The following SGCZ variants were observed in gnomAD, a reference collection of about 807,000 sequenced individuals.
SGCZ encodes zeta-sarcoglycan.
In SGCZ, 40 loss-of-function variants were observed where a neutral mutation model predicts 41.3. The ratio of observed to expected loss-of-function variants is 0.97; its 90% CI spans 0.75 to 1.26. SGCZ has a LOEUF of 1.26. Ranked by LOEUF, SGCZ falls within the 50% of genes most tolerant of loss-of-function variation. The pLI is 0.00. For synonymous variants in SGCZ, 206 were observed against 137.5 expected (o/e 1.50, Z -3.49); for missense variants, 552 against 369.8 (o/e 1.49, Z -4.04).
At chr8:14,166,260 G>A (rs748508699) in intron 4 of SGCZ, among the ~76,000 whole-genome samples, 1 of 152,082 alleles carries the variant, frequency 6.6e-6, no homozygotes, top group Non-Finnish European at 1.5e-5. Context: ...ATAATTTAAT[G>A]AAAATATGGA....
chr8:14,787,180 TC>T (rs1800795543), intron 1 of SGCZ, among the ~76,000 whole-genome samples: 1 of 151,980 alleles, frequency 6.6e-6, no homozygotes, highest in African/African-American at 2.4e-5. Context: ...AGACTTAAAA[TC>T]CCCATCTGCA....
chr8:14,467,282 T>C (rs1199901094), intron 2 of SGCZ, among the ~76,000 whole-genome samples: 2 of 151,972 alleles, frequency 1.3e-5, no homozygotes, highest in Non-Finnish European at 2.9e-5. Flanking sequence ...AAATAAGTGG[T>C]GGGGCACTGG....
chr8:14,217,244 C>T lies in SGCZ; in HGVS notation c.424+20348G>A, dbSNP rs986362565. On this transcript the variant is annotated intron_variant, in intron 4 of 7. Transcript: ENST00000382080. The stretch of plus-strand genomic sequence containing the variant: ...CTGGGAGGCAGAGGTTGCAGTGAGC[C>T]GAGATTGCACCACTGCACTCCAGCC... Among the ~76,000 whole-genome samples, 4 of 135,336 alleles carry T rather than the reference C, an allele frequency of 3.0e-5. No homozygotes were observed. The East Asian group carries it at 7.3e-4, about 25-fold the overall frequency. 88.8% of individuals were successfully genotyped at this position (135,336 alleles called of 152,430 possible).
At chr8:14,844,122 A>G (rs1803019134) in intron 1 of SGCZ, among the ~76,000 whole-genome samples, 1 of 152,040 alleles carries the variant, frequency 6.6e-6, no homozygotes, top group Admixed American at 6.6e-5. Context: ...TGTATACTGT[A>G]CCAAAATTCA....
intron 3 of SGCZ, among the ~76,000 whole-genome samples, chr8:14,257,312 A>T (rs1429609921): frequency 6.6e-6 from 1 of 150,688 alleles, no homozygotes; most frequent in Non-Finnish European, 1.5e-5. Flanking sequence ...CACTCCACTC[A>T]CTCCAGCCTG....
chr8:14,511,467 A>C (rs11989301), intron 2 of SGCZ, among the ~76,000 whole-genome samples: 2 of 151,916 alleles, frequency 1.3e-5, no homozygotes, highest in African/African-American at 4.8e-5. Context: ...GAACAAGCAT[A>C]AGTGGACCAG....
rs71541667 is a variant in SGCZ at position 14,409,475 on chromosome 8, G to GA, written c.235-85272dup. 4.1e-4 allele frequency among the ~76,000 whole-genome samples: 62 copies of GA among 150,630 alleles called. 1 individual carries two copies. Among genetic ancestry groups the GA allele is most frequent in the Middle Eastern group, 3.4e-3 (1 of 292 alleles). On this transcript the variant is annotated intron_variant, in intron 2 of 7. Coordinates refer to ENST00000382080, the MANE Select transcript of SGCZ (RefSeq NM_139167.4). The stretch of plus-strand genomic sequence containing the variant: ...GTTTGGTAATGCTGGCTCAGAATTT[G>GA]AAAAAAAAATCAGAATATTCACTTT...
intron 1 of SGCZ, among the ~76,000 whole-genome samples, chr8:15,026,976 C>T (rs1185754470): frequency 1.3e-5 from 2 of 152,098 alleles, no homozygotes; most frequent in Non-Finnish European, 2.9e-5. Flanking sequence ...AAAATACTTC[C>T]AACAGACAAT....
rs1185417235 is a variant in SGCZ at position 14,876,083 on chromosome 8, A to T, written c.40-321157T>A. The stretch of plus-strand genomic sequence containing the variant: ...TCCCATCCCCCTGTCTCCCCAGCTC[A>T]GTGGTGTGGTAGCCAAAAGCTTGCA... On this transcript the variant is annotated intron_variant, in intron 1 of 7. Transcript: ENST00000382080. Among the ~76,000 whole-genome samples, 25 of 152,278 alleles carry T rather than the reference A, an allele frequency of 1.6e-4. No homozygotes were observed. In the South Asian group the frequency reaches 4.6e-3, roughly 28 times the overall value.
At chr8:14,263,497 C>A (rs751969682) in intron 3 of SGCZ, among the ~76,000 whole-genome samples, 11 of 152,014 alleles carry the variant, frequency 7.2e-5, no homozygotes, top group Admixed American at 1.3e-4. Context: ...TGCAGTGAGC[C>A]ACGATGATGC....
rs1469734893 is a variant in SGCZ at position 14,941,059 on chromosome 8, T to C, written c.39+296526A>G. 4.6e-5 allele frequency among the ~76,000 whole-genome samples: 7 copies of C among 152,040 alleles called. No individual in the cohort carries two copies. The East Asian group carries it at 1.3e-3, about 29-fold the overall frequency. ...AAATACTAAATAGACAGGCAACAAA[T>C]ACCATTTTTACCTAGCATTAGGCAA... On this transcript the variant is annotated intron_variant, in intron 1 of 7. Transcript: ENST00000382080.
intron 2 of SGCZ, among the ~76,000 whole-genome samples, chr8:14,413,891 A>G (rs992667586): frequency 7.9e-5 from 12 of 151,946 alleles, no homozygotes; most frequent in African/African-American, 2.9e-4. Context: ...GTCATCTAGA[A>G]CTCTGTAAGT....
chr8:15,069,122 A>G (rs1486758743), intron 1 of SGCZ, among the ~76,000 whole-genome samples: 3 of 152,180 alleles, frequency 2.0e-5, no homozygotes, highest in Non-Finnish European at 4.4e-5. Flanking sequence ...TATTCTTTTT[A>G]CCTAAATTCA....
intron 3 of SGCZ, among the ~76,000 whole-genome samples, chr8:14,265,206 G>A (rs1265082656): frequency 1.3e-5 from 2 of 152,130 alleles, no homozygotes. Context: ...CATTTGTCCT[G>A]AGAATACCAG....
chr8:15,142,352 T>C (rs533895567), intron 1 of SGCZ, among the ~76,000 whole-genome samples: 12 of 152,322 alleles, frequency 7.9e-5, no homozygotes, highest in African/African-American at 2.9e-4. Flanking sequence ...TATATATTGG[T>C]TATATTTAAT....
intron 5 of SGCZ, among the ~76,000 whole-genome samples, chr8:14,143,164 C>A (rs986938114): frequency 4.6e-5 from 7 of 152,206 alleles, no homozygotes; most frequent in African/African-American, 1.2e-4. Context: ...GGAGACCTTT[C>A]TCTATTTGAC....
chr8:15,068,893 TAA>T lies in SGCZ; in HGVS notation c.39+168690_39+168691del, dbSNP rs372838162. On this transcript the variant is annotated intron_variant, in intron 1 of 7. Transcript: ENST00000382080. ...TGAGTCCAACATTTCTGTATAGTAT[TAA>T]GTTTATGTGGTCTGTGCTTCTACTA... Among the ~76,000 whole-genome samples the T allele has an allele frequency of 5.9e-5, 9 of 152,318 alleles. No homozygotes were observed. In the East Asian group the frequency reaches 1.7e-3, roughly 29 times the overall value.
At chr8:14,515,963 ATAACT>A (rs1422001417) in intron 2 of SGCZ, among the ~76,000 whole-genome samples, 8 of 152,040 alleles carry the variant, frequency 5.3e-5, no homozygotes, top group African/African-American at 1.9e-4. Flanking sequence ...CTTGTTGGAA[ATAACT>A]TAGTAAGCAA....
Position 14,507,825 on chromosome 8 carries a change from G to A in SGCZ, c.234+46907C>T, listed in dbSNP as rs1200348037. Among the ~76,000 whole-genome samples the A allele has an allele frequency of 2.0e-5, 3 of 148,006 alleles. No homozygotes were observed. In the East Asian group the frequency reaches 6.1e-4, roughly 30 times the overall value. ...TCGTTCTTGTTACCCAGGCTGGAGT[G>A]CAATGGCGCGATCTCAGCTTACCGC... On this transcript the variant is annotated intron_variant, in intron 2 of 7. Transcript: ENST00000382080.
Sources: allele counts gnomAD v4.1 joint callset (sites outside exome capture counted in the v4.1 genomes callset), GRCh38; gene constraint gnomAD v4.1.1; transcripts MANE v1.5; gene names NCBI Gene and HGNC (gene_info 2026-07-23, HGNC 2026-07-21).